RASA1: variants seen among roughly 807,000 people sequenced by gnomAD.
RASA1 encodes the protein RAS p21 protein activator 1, also known as ras GTPase-activating protein 1.
Under a neutral mutation model 132.2 loss-of-function variants are expected in RASA1, and 25 were observed. The observed-to-expected ratio is 0.19, with a 90% CI of 0.14 to 0.26. RASA1 has a LOEUF of 0.26. RASA1 is among the 10% of genes least tolerant of loss of function. The pLI, the probability that RASA1 is intolerant of heterozygous loss-of-function variation, is 1.00. For synonymous variants in RASA1, 477 were observed against 449.9 expected, an observed-to-expected ratio of 1.06 and a Z score of -0.76; for missense variants, 964 against 1,299.2, an observed-to-expected ratio of 0.74 and a Z score of 3.97.
chr5:87,268,598 T>C lies in RASA1; in HGVS notation c.147T>C (p.Tyr49=). ...PAALPVAAAP[Y]PGLVETGVAG... is the part of the protein sequence containing the mutation. Reference sequence around the variant, plus strand: ...CCCTGCCTGTGGCAGCCGCCCCCTATCCTGGGCTGGTGGAGACCGGAGTGG... The same window carrying C: ...CCCTGCCTGTGGCAGCCGCCCCCTACCCTGGGCTGGTGGAGACCGGAGTGG... The change falls in exon 1 of 25, where the codon TAT becomes TAC. Residue 49 remains tyrosine, a synonymous_variant. Transcript: ENST00000274376. 6.2e-7 allele frequency: 1 copy of C among 1,611,372 alleles called. No homozygotes were observed. Among genetic ancestry groups the C allele is most frequent in the Non-Finnish European group, 8.5e-7 (1 of 1,179,264 alleles).
intron 24 of RASA1, 50 bp downstream of exon 24, chr5:87,389,577 TAG>T: frequency 6.2e-7 from 1 of 1,600,496 alleles, no homozygotes. Flanking sequence ...AGATAACACT[TAG>T]AGAGTTAATA....
chr5:87,370,385 C>G (rs1760839099), intron 12 of RASA1, among the ~76,000 whole-genome samples: 1 of 152,150 alleles, frequency 6.6e-6, no homozygotes, highest in East Asian at 1.9e-4. Flanking sequence ...GCTATTAATC[C>G]ATGTGCAGTG....
chr5:87,387,032 T>G, intron 23 of RASA1, 129 bp downstream of exon 23: 1 of 817,008 alleles, frequency 1.2e-6, no homozygotes, highest in East Asian at 2.7e-5. Flanking sequence ...CTGCAAATTT[T>G]TGTCTGCCTT....
At chr5:87,306,461 A>AG (rs1469990575) in intron 1 of RASA1, among the ~76,000 whole-genome samples, 1 of 152,068 alleles carries the variant, frequency 6.6e-6, no homozygotes, top group African/African-American at 2.4e-5. Context: ...GGCCTAATTG[A>AG]GGGTGGAGGG....
chr5:87,349,286 C>A lies in RASA1; in HGVS notation c.1175C>A (p.Thr392Asn). 1 of 1,612,020 alleles carries A rather than the reference C, an allele frequency of 6.2e-7. No individual in the cohort carries two copies. The highest frequency in any genetic ancestry group is 8.5e-7 in the Non-Finnish European group (1 of 1,178,746). ...TPGDYSLYFR[T>N]NENIQRFKIC... ...GGCGATTATTCACTTTATTTCCGGA[C>A]CAATGAAAATATTCAGCGATTTAAA... The change falls in exon 8 of 25, where the codon ACC becomes AAC. Residue 392 changes from threonine (T) to asparagine (N), a missense_variant. Around this residue, in one of 6 missense-constraint regions of RASA1, gnomAD observed 154 missense variants for 286.5 expected, o/e 0.54. Transcript: ENST00000274376.
chr5:87,333,174 G>T (rs994131267), intron 3 of RASA1, 93 bp from the exon 4 acceptor site: 1 of 1,524,336 alleles, frequency 6.6e-7, no homozygotes, highest in Admixed American at 2.1e-5. Context: ...AGTTTCTAAT[G>T]TGAATTTTTA....
intron 11 of RASA1, among the ~76,000 whole-genome samples, chr5:87,364,022 G>A (rs1350403657): frequency 6.6e-6 from 1 of 152,098 alleles, no homozygotes; most frequent in Non-Finnish European, 1.5e-5. Flanking sequence ...AACATCAGAA[G>A]ACAAATCCAG....
chr5:87,286,428 A>G (rs1754568162), intron 1 of RASA1, among the ~76,000 whole-genome samples: 3 of 151,932 alleles, frequency 2.0e-5, no homozygotes, highest in Admixed American at 1.3e-4. Flanking sequence ...TTTAACTTCA[A>G]CCCAAGTAAA....
chr5:87,341,471 C>G (rs1758452000), intron 6 of RASA1, 150 bp downstream of exon 6: 2 of 426,574 alleles, frequency 4.7e-6, no homozygotes, highest in Non-Finnish European at 4.0e-6. Context: ...TAAATATTTT[C>G]TTAAGGATCT....
At chr5:87,379,886 GTATC>G (rs770148647) in intron 19 of RASA1, 36 bp downstream of exon 19, 15 of 1,590,500 alleles carry the variant, frequency 9.4e-6, no homozygotes, top group Admixed American at 1.7e-5. Flanking sequence ...AAGAAATTGT[GTATC>G]TATGTCTTCA....
intron 1 of RASA1, among the ~76,000 whole-genome samples, chr5:87,322,433 A>G (rs939774195): frequency 6.6e-6 from 1 of 152,184 alleles, no homozygotes; most frequent in African/African-American, 2.4e-5. Context: ...TCATCCTGAA[A>G]TCATCTTCCC....
At chr5:87,272,924 T>C (rs1753910599) in intron 1 of RASA1, among the ~76,000 whole-genome samples, 1 of 152,206 alleles carries the variant, frequency 6.6e-6, no homozygotes, top group South Asian at 2.1e-4. Context: ...ATATTTATCT[T>C]TTGTAAAAGT....
chr5:87,358,516 T>TGA (rs1281678303), intron 9 of RASA1, among the ~76,000 whole-genome samples: 1 of 152,236 alleles, frequency 6.6e-6, no homozygotes, highest in Non-Finnish European at 1.5e-5. Context: ...CTTCAAAGTA[T>TGA]GTCTAGAATA....
chr5:87,376,587 T>C, intron 16 of RASA1, 22 bp downstream of exon 16: 1 of 1,604,712 alleles, frequency 6.2e-7, no homozygotes, highest in Non-Finnish European at 8.5e-7. Context: ...TTTATCAGTC[T>C]TGTTTTTGTT....
At chr5:87,316,325 T>C (rs1320320679) in intron 1 of RASA1, among the ~76,000 whole-genome samples, 1 of 152,158 alleles carries the variant, frequency 6.6e-6, no homozygotes, top group Non-Finnish European at 1.5e-5. Flanking sequence ...GAATGCATTT[T>C]AAAAAATGGG....
At chr5:87,355,361 T>C (rs1759572982) in intron 9 of RASA1, among the ~76,000 whole-genome samples, 2 of 152,162 alleles carry the variant, frequency 1.3e-5, no homozygotes, top group Admixed American at 1.3e-4. Context: ...CCTAGGAGCA[T>C]CAGAATTATG....
rs947893376 is a variant in RASA1 at position 87,374,750 on chromosome 5, A to G, written c.1935-90A>G. On this transcript the variant is annotated intron_variant, in intron 14 of 24. Transcript: ENST00000274376. ...CACTGTTTTTTTTTTTAAAGCAGAA[A>G]TAGGGGGTTTATTTGATACTAGAAC... 3.9e-6 allele frequency: 6 copies of G among 1,548,844 alleles called. No individual in the cohort carries two copies. The African/African-American group carries it at 6.9e-5, about 18-fold the overall frequency.
intron 23 of RASA1, among the ~76,000 whole-genome samples, chr5:87,388,906 A>ATTGT (rs1220396476): frequency 1.3e-5 from 2 of 152,142 alleles, no homozygotes; most frequent in African/African-American, 2.4e-5. Flanking sequence ...TACAAAGCTA[A>ATTGT]TTGTTAGGAA....
At chr5:87,326,419 A>T (rs1483973556) in intron 1 of RASA1, among the ~76,000 whole-genome samples, 2 of 152,184 alleles carry the variant, frequency 1.3e-5, no homozygotes, top group Non-Finnish European at 2.9e-5. Flanking sequence ...TTTCTAAAAA[A>T]ATGAAATTAA....
Sources: gnomAD v4.1 joint callset for allele counts (sites outside exome capture counted in the v4.1 genomes callset) on GRCh38, gnomAD v4.1.1 for gene constraint, gnomAD v4.1.1 regional missense constraint, MANE v1.5 for transcripts, NCBI Gene and HGNC (gene_info 2026-07-23, HGNC 2026-07-21) for gene names.